The following GBX1 variants were observed in gnomAD, a reference collection of about 807,000 sequenced individuals.
The protein encoded by GBX1 is homeobox protein GBX-1.
In GBX1, 9 loss-of-function variants were observed where a neutral mutation model predicts 22.9. The observed-to-expected ratio is 0.39, with a 90% CI of 0.24 to 0.69. The LOEUF (loss-of-function observed/expected upper bound fraction) is 0.69, where lower values mean the gene tolerates loss of function less well. Ranked by LOEUF, GBX1 falls within the 30% of genes least tolerant of loss-of-function variation. GBX1 has a pLI of 0.43. For missense variants in GBX1, 494 were observed against 509.2 expected (o/e 0.97, Z 0.29); for synonymous variants, 203 against 227.3 (o/e 0.89, Z 0.96).
At chr7:151,150,157 T>C (rs1425663972) in intron 1 of GBX1, 2 of 296,620 alleles carry the variant, frequency 6.7e-6, no homozygotes, top group Admixed American at 4.9e-5. Flanking sequence ...ATAAACATTT[T>C]AATCCACACA....
chr7:151,162,994 T>C (rs1584805477), intron 1 of GBX1, among the ~76,000 whole-genome samples: 1 of 152,032 alleles, frequency 6.6e-6, no homozygotes, highest in Non-Finnish European at 1.5e-5. Context: ...TTAGTAGAGA[T>C]GGGGTTTCTC....
At chr7:151,163,081 C>T (rs1337624351) in intron 1 of GBX1, among the ~76,000 whole-genome samples, 1 of 152,186 alleles carries the variant, frequency 6.6e-6, no homozygotes, top group Admixed American at 6.5e-5. Context: ...GTTGGGATTA[C>T]AGGCGTGAGC....
At chr7:151,153,715 TTTTTTA>T (rs1268724510) in intron 1 of GBX1, among the ~76,000 whole-genome samples, 2 of 151,810 alleles carry the variant, frequency 1.3e-5, no homozygotes, top group East Asian at 1.9e-4. Flanking sequence ...GCTGGCTAAC[TTTTTTA>T]TTTTTATTTT....
chr7:151,163,590 ATGTTAATATTGATTAATG>A (rs1426363981), intron 1 of GBX1, among the ~76,000 whole-genome samples: 1 of 152,252 alleles, frequency 6.6e-6, no homozygotes, highest in African/African-American at 2.4e-5. Context: ...TATCATTAAA[ATGTTAATATTGATTAATG>A]TTGAAATAAT....
At chr7:151,162,478 C>T (rs1424579240) in intron 1 of GBX1, among the ~76,000 whole-genome samples, 1 of 152,152 alleles carries the variant, frequency 6.6e-6, no homozygotes, top group Admixed American at 6.5e-5. Flanking sequence ...TTATTATTGC[C>T]AATCTGTATT....
At chr7:151,153,947 T>C (rs1229598503) in intron 1 of GBX1, among the ~76,000 whole-genome samples, 2 of 152,176 alleles carry the variant, frequency 1.3e-5, no homozygotes, top group South Asian at 2.1e-4. Flanking sequence ...TTCATAAAAG[T>C]AAATTTCTGG....
At position 151,167,486 on chromosome 7, in the gene GBX1, C is replaced by A; in HGVS notation, c.63G>T (p.Pro21=). ...GGNGGGGGGG[P]GTAFSIDSLI... ...GGGAGTCGATGGAGAAGGCAGTGCCCGGGCCCCCGCCGCCGCCCCCGCCGT... is the reference window on the plus strand; with the variant it reads ...GGGAGTCGATGGAGAAGGCAGTGCCAGGGCCCCCGCCGCCGCCCCCGCCGT... Residue 21 remains proline (P), a synonymous_variant, in exon 1 of 2, where the codon CCG becomes CCT. Coordinates refer to ENST00000297537, the MANE Select transcript of GBX1 (RefSeq NM_001098834.3). This position sits in a 1 kb window ranked among gnomAD's most constrained non-coding sequence, Gnocchi z 5.9. The A allele has an allele frequency of 6.7e-7, 1 of 1,488,722 alleles. No homozygotes were observed. Among genetic ancestry groups the A allele is most frequent in the East Asian group, 2.8e-5 (1 of 35,580 alleles). 92.2% of individuals were successfully genotyped at this position (1,488,722 alleles called of 1,614,324 possible).
At chr7:151,152,639 CA>C (rs1801092992) in intron 1 of GBX1, among the ~76,000 whole-genome samples, 3 of 152,098 alleles carry the variant, frequency 2.0e-5, no homozygotes, top group Admixed American at 2.0e-4. Context: ...TCCAAGCACC[CA>C]GGGGGTGTCC....
chr7:151,165,722 C>CA (rs1231405622), intron 1 of GBX1, among the ~76,000 whole-genome samples: 3 of 152,126 alleles, frequency 2.0e-5, no homozygotes, highest in African/African-American at 4.8e-5. Context: ...GCTGAATCCC[C>CA]AAAAGCAAAA....
At chr7:151,158,044 C>T (rs1229836283) in intron 1 of GBX1, among the ~76,000 whole-genome samples, 1 of 152,180 alleles carries the variant, frequency 6.6e-6, no homozygotes, top group East Asian at 1.9e-4. Context: ...CCTCACAACA[C>T]TACTTACATT....
At chr7:151,160,353 A>G (rs1047744571) in intron 1 of GBX1, among the ~76,000 whole-genome samples, 3 of 152,178 alleles carry the variant, frequency 2.0e-5, no homozygotes, top group Non-Finnish European at 4.4e-5. Context: ...CCTCTGCATT[A>G]CTTCTCTTCC....
Position 151,159,879 on chromosome 7 carries a change from A to G in GBX1, c.538+7132T>C, listed in dbSNP as rs73727488. 4.5e-3 allele frequency among the ~76,000 whole-genome samples: 692 copies of G among 152,164 alleles called. 2 individuals carry two copies. Among genetic ancestry groups the G allele is most frequent in the African/African-American group, 0.016 (662 of 41,498 alleles). On this transcript the variant is annotated intron_variant, in intron 1 of 1. Coordinates refer to ENST00000297537, the MANE Select transcript of GBX1 (RefSeq NM_001098834.3). ...TCTTTATCAAATGTTTCTCTCTCTC[A>G]TTTAATGTGACAGCTATACACAGTC...
chr7:151,157,660 C>A (rs1390648166), intron 1 of GBX1, among the ~76,000 whole-genome samples: 1 of 152,156 alleles, frequency 6.6e-6, no homozygotes, highest in African/African-American at 2.4e-5. Flanking sequence ...AGCATACCTT[C>A]CCCCTTTTGC....
Position 151,165,127 on chromosome 7 carries a change from T to A in GBX1, c.538+1884A>T, listed in dbSNP as rs538297952. Among the ~76,000 whole-genome samples the A allele has an allele frequency of 3.3e-5, 5 of 152,214 alleles. No homozygotes were observed. In the South Asian group the frequency reaches 1.0e-3, roughly 32 times the overall value. ...TTCATGTTCTCTTTGTATATTCCAG[T>A]ATACAACTCATCCCCTGGTCCTTTC... On this transcript the variant is annotated intron_variant, in intron 1 of 1. Transcript: ENST00000297537.
intron 1 of GBX1, among the ~76,000 whole-genome samples, chr7:151,165,144 G>C (rs1210903534): frequency 1.3e-5 from 2 of 151,778 alleles, no homozygotes; most frequent in Non-Finnish European, 2.9e-5. Context: ...CTCATCCCCT[G>C]GTCCTTTCCT....
Position 151,167,374 on chromosome 7 carries a change from G to T in GBX1, c.175C>A (p.Gln59Lys), listed in dbSNP as rs1410320252. The part of the protein sequence containing the change: ...FMPYRPLVLP[Q>K]ALAPAPLPAG... ...GGCAGCGGCGCAGGGGCCAGCGCCT[G>T]CGGCAGCACGAGCGGCCGGTAGGGC... The change falls in exon 1 of 2, where the codon CAG (glutamine) becomes AAG (lysine). Residue 59 changes from glutamine (Q) to lysine (K), a missense_variant. This residue lies in a region of GBX1 where 365 missense variants were observed against 340.4 expected (regional missense o/e 1.07). Transcript: ENST00000297537. This position sits in a 1 kb window ranked among gnomAD's most constrained non-coding sequence, Gnocchi z 5.9. 6.6e-7 allele frequency: 1 copy of T among 1,511,896 alleles called. No homozygotes were observed. Among genetic ancestry groups the T allele is most frequent in the Admixed American group, 2.2e-5 (1 of 45,578 alleles). The allele number at this position is 1,511,896 out of a possible 1,614,324, so 93.7% of individuals were successfully genotyped here.
At chr7:151,153,506 C>T (rs1238394315) in intron 1 of GBX1, among the ~76,000 whole-genome samples, 5 of 151,622 alleles carry the variant, frequency 3.3e-5, no homozygotes, top group Non-Finnish European at 7.4e-5. Context: ...ATAAAAATTG[C>T]ACATAAAAAT....
chr7:151,148,056 AC>A lies in GBX1; in HGVS notation c.*532del, dbSNP rs1307369192. On this transcript the variant is annotated 3_prime_UTR_variant, in exon 2 of 2. Transcript: ENST00000297537. The surrounding 1 kb of genome is among the most constrained non-coding windows in gnomAD (Gnocchi z 5.1). ...TGTAAAGAGAGGCAAGATGGGGCCT[AC>A]CCCAAAGCAGTAGGACAGACGAACT... Among the ~76,000 whole-genome samples the A allele has an allele frequency of 6.6e-6, 1 of 152,192 alleles. No individual in the cohort carries two copies. Among genetic ancestry groups the A allele is most frequent in the African/African-American group, 2.4e-5 (1 of 41,430 alleles).
At chr7:151,163,244 C>T (rs1584805598) in intron 1 of GBX1, among the ~76,000 whole-genome samples, 1 of 151,912 alleles carries the variant, frequency 6.6e-6, no homozygotes. Flanking sequence ...TCAGCCAGAG[C>T]TCACACAAAC....
Sources: allele counts gnomAD v4.1 joint callset (sites outside exome capture counted in the v4.1 genomes callset), GRCh38; gene constraint gnomAD v4.1.1; regional missense constraint gnomAD v4.1.1; non-coding constraint Gnocchi (gnomAD v3.1); transcripts MANE v1.5; gene names NCBI Gene and HGNC (gene_info 2026-07-23, HGNC 2026-07-21).